RPH3AL: variants seen among roughly 807,000 people sequenced by gnomAD.
RPH3AL encodes the protein rab effector Noc2.
In RPH3AL, 38 loss-of-function variants were observed where a neutral mutation model predicts 43.1. That is an observed-to-expected ratio of 0.88 (90% confidence interval 0.68 to 1.15). The LOEUF (loss-of-function observed/expected upper bound fraction) is 1.15, where lower values mean the gene tolerates loss of function less well. RPH3AL is among the 50% of genes most tolerant of loss of function. RPH3AL has a pLI of 0.00. For missense variants in RPH3AL, 462 were observed against 423.2 expected (o/e 1.09, Z -0.81); for synonymous variants, 189 against 176.3 (o/e 1.07, Z -0.57).
intron 5 of RPH3AL, 66 bp downstream of exon 5, chr17:319,354 G>C (rs2044392903): frequency 5.8e-6 from 9 of 1,565,116 alleles, no homozygotes; most frequent in Non-Finnish European, 7.8e-6. Context: ...AGGATGCAAA[G>C]CCACAGCGCA....
chr17:343,691 T>C (rs1187945606), intron 1 of RPH3AL, among the ~76,000 whole-genome samples: 1 of 152,160 alleles, frequency 6.6e-6, no homozygotes, highest in Admixed American at 6.5e-5. Flanking sequence ...CATTTGGAAA[T>C]ATCTGGAGAC....
intron 5 of RPH3AL, among the ~76,000 whole-genome samples, chr17:291,494 C>T (rs533615611): frequency 1.2e-3 from 177 of 152,244 alleles, no homozygotes; most frequent in African/African-American, 3.9e-3. Context: ...TTGGGAACCG[C>T]GCTGCAGACG....
intron 2 of RPH3AL, chr17:332,189 C>T (rs2044790411): frequency 3.1e-6 from 1 of 318,308 alleles, no homozygotes; most frequent in South Asian, 2.7e-5. Flanking sequence ...CTGGCCACTT[C>T]CTCCGTAAAC....
Position 347,121 on chromosome 17 carries a change from G to T in RPH3AL, c.-213+5591C>A. ...AAAATACAAAAAATTAGCCAGGCAT[G>T]GTGGCAGGCACCTGTAGTCCCAGCT... is the stretch of plus-strand genomic sequence containing the variant. On this transcript the variant is annotated intron_variant, in intron 1 of 9. Transcript: ENST00000331302. 1.5e-5 allele frequency among the ~76,000 whole-genome samples: 2 copies of T among 134,726 alleles called. 1 individual carries two copies. The highest frequency in any genetic ancestry group is 1.4e-4 in the Admixed American group (2 of 13,946). The allele number at this position is 134,726 out of a possible 152,430, so 88.4% of individuals were successfully genotyped here. A position where few individuals can be genotyped will look rare whatever the true frequency, so the allele number is the denominator to read the frequency against.
At chr17:330,812 G>T (rs1177551105) in intron 2 of RPH3AL, 1 of 151,196 alleles carries the variant, frequency 6.6e-6, no homozygotes, top group Non-Finnish European at 1.5e-5. Context: ...GGGGGTGGAG[G>T]TTGCAGTGAG....
At position 342,053 on chromosome 17, in the gene RPH3AL, T is replaced by A. The variant is rs918053626; in HGVS notation, c.-212-8119A>T. Among the ~76,000 whole-genome samples the A allele has an allele frequency of 1.2e-4, 19 of 152,114 alleles. 1 individual carries two copies. Among genetic ancestry groups the A allele is most frequent in the Admixed American group, 2.6e-4 (4 of 15,268 alleles). On this transcript the variant is annotated intron_variant, in intron 1 of 9. Transcript: ENST00000331302. Reference sequence around the variant, plus strand: ...TTCCATTTAAACATGGGCAAAGGATTTGAAAAGACATTTCCCCAAAGAAGA... The same window carrying A: ...TTCCATTTAAACATGGGCAAAGGATATGAAAAGACATTTCCCCAAAGAAGA...
intron 6 of RPH3AL, among the ~76,000 whole-genome samples, chr17:280,639 A>C (rs962776893): frequency 2.0e-5 from 3 of 152,236 alleles, no homozygotes; most frequent in Non-Finnish European, 4.4e-5. Context: ...AAGGAAAACT[A>C]ACCCTAAGAA....
At chr17:220,367 A>G (rs1235804971) in intron 7 of RPH3AL, among the ~76,000 whole-genome samples, 5 of 150,942 alleles carry the variant, frequency 3.3e-5, no homozygotes, top group African/African-American at 9.9e-5. Flanking sequence ...CAAGCACATC[A>G]GCTCTGAGTC....
At chr17:284,613 G>C (rs1320948800) in intron 5 of RPH3AL, among the ~76,000 whole-genome samples, 2 of 152,028 alleles carry the variant, frequency 1.3e-5, no homozygotes, top group African/African-American at 2.4e-5. Context: ...GAGGTTTCCA[G>C]CTGTCAGCAG....
chr17:221,812 T>G (rs1306109537), intron 7 of RPH3AL, among the ~76,000 whole-genome samples: 1 of 112,424 alleles, frequency 8.9e-6, no homozygotes, highest in Non-Finnish European at 1.9e-5. Context: ...ACAACAGCTC[T>G]GAGGGCTCCA....
At chr17:315,674 A>T (rs1555520264) in intron 5 of RPH3AL, among the ~76,000 whole-genome samples, 3 of 152,128 alleles carry the variant, frequency 2.0e-5, no homozygotes, top group East Asian at 3.9e-4. Flanking sequence ...ACTGACCTGT[A>T]GTCCCTGTGA....
rs116863123 is a variant in RPH3AL at position 333,052 on chromosome 17, C to A, written c.-37+707G>T. ...AGATCGGTAAAAACAACCCCTTCTT[C>A]CAGGAGGATGCAATTCTCTCTCTAA... On this transcript the variant is annotated intron_variant, in intron 2 of 9. Transcript: ENST00000331302. This position sits in a 1 kb window ranked among gnomAD's most constrained non-coding sequence, Gnocchi z 4.5. 1 of 1,289,102 alleles carries A rather than the reference C, an allele frequency of 7.8e-7. No homozygotes were observed. Among genetic ancestry groups the A allele is most frequent in the East Asian group, 5.6e-5 (1 of 18,016 alleles). 79.9% of individuals were successfully genotyped at this position (1,289,102 alleles called of 1,614,324 possible). A position where few individuals can be genotyped will look rare whatever the true frequency, so the allele number is the denominator to read the frequency against.
At chr17:315,960 A>T (rs1254976750) in intron 5 of RPH3AL, among the ~76,000 whole-genome samples, 124 of 78,246 alleles carry the variant, frequency 1.6e-3, no homozygotes, top group Admixed American at 3.9e-3. Flanking sequence ...AGTCCCTGTG[A>T]CCCCACCTCC....
chr17:235,585 C>G (rs111893155), intron 7 of RPH3AL, among the ~76,000 whole-genome samples: 220 of 93,816 alleles, frequency 2.3e-3, no homozygotes, highest in Non-Finnish European at 2.8e-3. Context: ...AGGCTCCACA[C>G]TAACAAGACG....
intron 7 of RPH3AL, among the ~76,000 whole-genome samples, chr17:230,920 C>G (rs11150891): frequency 0.66 from 101,068 of 152,026 alleles, 33,693 homozygotes; most frequent in Admixed American, 0.69. Flanking sequence ...TCCTGGGCTC[C>G]AGGGATCCAC....
chr17:222,703 G>A (rs1447277621), intron 7 of RPH3AL, among the ~76,000 whole-genome samples: 1 of 152,168 alleles, frequency 6.6e-6, no homozygotes, highest in Non-Finnish European at 1.5e-5. Context: ...CAGTCTCTCA[G>A]GTATAAACTG....
chr17:228,744 C>G (rs1456633751), intron 7 of RPH3AL, among the ~76,000 whole-genome samples: 1 of 152,184 alleles, frequency 6.6e-6, no homozygotes, highest in East Asian at 1.9e-4. Context: ...CCCCAGGGTC[C>G]TGCCTGACCC....
intron 5 of RPH3AL, among the ~76,000 whole-genome samples, chr17:316,359 C>T (rs1714573675): frequency 6.6e-6 from 1 of 152,048 alleles, no homozygotes; most frequent in Non-Finnish European, 1.5e-5. Flanking sequence ...CTCTGTGCTC[C>T]ACCTCCATTG....
chr17:316,380 T>C (rs1209989861), intron 5 of RPH3AL, among the ~76,000 whole-genome samples: 108 of 83,452 alleles, frequency 1.3e-3, no homozygotes, highest in African/African-American at 5.7e-3. Context: ...ACCTGTAGTC[T>C]CTCTGCACCC....
Sources: allele counts gnomAD v4.1 joint callset (sites outside exome capture counted in the v4.1 genomes callset), GRCh38; gene constraint gnomAD v4.1.1; non-coding constraint Gnocchi (gnomAD v3.1); transcripts MANE v1.5; gene names NCBI Gene and HGNC (gene_info 2026-07-23, HGNC 2026-07-21).